DNAH6: variants seen among roughly 807,000 people sequenced by gnomAD.
DNAH6 encodes dynein axonemal heavy chain 6.
DNAH6 carries 340 observed loss-of-function variants against 491.4 expected under a neutral mutation model. The ratio of observed to expected loss-of-function variants is 0.69; its 90% CI spans 0.63 to 0.76. DNAH6 has a LOEUF of 0.76. DNAH6 is among the 30% of genes least tolerant of loss of function. The pLI, the probability that DNAH6 is intolerant of heterozygous loss-of-function variation, is 0.00. For synonymous variants in DNAH6, 1,603 were observed against 1,686.1 expected (o/e 0.95, Z 1.21); for missense variants, 4,443 against 4,972.2 (o/e 0.89, Z 3.20).
intron 68 of DNAH6, among the ~76,000 whole-genome samples, chr2:84,795,821 T>C (rs779232744): frequency 6.6e-6 from 1 of 152,212 alleles, no homozygotes; most frequent in Non-Finnish European, 1.5e-5. Flanking sequence ...ATTGTCCCTT[T>C]TGCTTTGAAT....
At chr2:84,702,641 C>T (rs910774739) in intron 49 of DNAH6, among the ~76,000 whole-genome samples, 18 of 150,514 alleles carry the variant, frequency 1.2e-4, no homozygotes, top group African/African-American at 3.9e-4. Flanking sequence ...CTCCCAGGTT[C>T]GTGCCATTCT....
intron 59 of DNAH6, 25 bp downstream of exon 59, chr2:84,718,409 A>G: frequency 1.3e-6 from 2 of 1,485,478 alleles, no homozygotes; most frequent in East Asian, 2.6e-5. Flanking sequence ...TTTAGTACTT[A>G]TGGAAAGTAT....
chr2:84,764,318 CA>C (rs1674867500), intron 64 of DNAH6, among the ~76,000 whole-genome samples: 1 of 151,890 alleles, frequency 6.6e-6, no homozygotes, highest in African/African-American at 2.4e-5. Context: ...GGAATAAAGT[CA>C]AAAAATACAA....
chr2:84,749,649 T>G (rs935962172), intron 63 of DNAH6, among the ~76,000 whole-genome samples: 2 of 152,168 alleles, frequency 1.3e-5, no homozygotes, highest in African/African-American at 4.8e-5. Context: ...TCAGTAACAC[T>G]TTGTTCAATG....
chr2:84,801,154 A>T (rs1286044864), intron 70 of DNAH6, among the ~76,000 whole-genome samples: 1 of 149,212 alleles, frequency 6.7e-6, no homozygotes, highest in Non-Finnish European at 1.5e-5. Context: ...CTAGATGACG[A>T]GTTAGTGGGT....
intron 11 of DNAH6, among the ~76,000 whole-genome samples, chr2:84,571,645 G>A (rs1407053747): frequency 6.6e-6 from 1 of 152,070 alleles, no homozygotes; most frequent in Non-Finnish European, 1.5e-5. Flanking sequence ...CAGGCGCAGT[G>A]GCTCACGCCT....
intron 47 of DNAH6, among the ~76,000 whole-genome samples, chr2:84,699,048 T>C (rs1041366012): frequency 6.6e-6 from 1 of 152,052 alleles, no homozygotes; most frequent in Non-Finnish European, 1.5e-5. Context: ...GAAGGAGGGA[T>C]GAAAGGGTTG....
At chr2:84,555,431 CT>C (rs1271200139) in intron 10 of DNAH6, among the ~76,000 whole-genome samples, 1 of 152,142 alleles carries the variant, frequency 6.6e-6, no homozygotes, top group Non-Finnish European at 1.5e-5. Flanking sequence ...TCTCAGTCAT[CT>C]TTCCAAGAGC....
At chr2:84,703,250 T>C (rs984041422) in intron 49 of DNAH6, 145 bp from the exon 50 acceptor site, 16 of 608,732 alleles carry the variant, frequency 2.6e-5, no homozygotes, top group Non-Finnish European at 4.0e-5. Context: ...TCCCAATTTG[T>C]AATATGTTCA....
rs185938791 is a variant in DNAH6 at position 84,729,919 on chromosome 2, G to A, written c.10206+2017G>A. On this transcript the variant is annotated intron_variant, in intron 61 of 76. Transcript: ENST00000389394. ...TAAATTTTCTGGAATAACCTCAGAA[G>A]CCAACTTCCATGCATAAAACTTTTT... 2.7e-3 allele frequency among the ~76,000 whole-genome samples: 415 copies of A among 152,286 alleles called. 3 individuals are homozygous for A. Among genetic ancestry groups the A allele is most frequent in the African/African-American group, 9.7e-3 (403 of 41,552 alleles).
intron 33 of DNAH6, among the ~76,000 whole-genome samples, chr2:84,649,248 G>A (rs879489111): frequency 2.0e-5 from 3 of 152,106 alleles, no homozygotes; most frequent in Admixed American, 2.0e-4. Context: ...TCACTTTATT[G>A]TAGTGGTCTG....
At chr2:84,747,397 G>A (rs1459902150) in intron 63 of DNAH6, among the ~76,000 whole-genome samples, 1 of 152,204 alleles carries the variant, frequency 6.6e-6, no homozygotes, top group Non-Finnish European at 1.5e-5. Context: ...CAGGCTCCAT[G>A]CAAGTCTGAA....
chr2:84,818,899 C>G (rs1181429828), intron 76 of DNAH6, among the ~76,000 whole-genome samples: 1 of 152,092 alleles, frequency 6.6e-6, no homozygotes, highest in Admixed American at 6.5e-5. Flanking sequence ...CTGGTGAAAC[C>G]CCGCCTCTAC....
Position 84,705,677 on chromosome 2 carries a change from G to C in DNAH6, c.8657G>C (p.Arg2886Thr). 6.4e-7 allele frequency: 1 copy of C among 1,551,744 alleles called. No homozygotes were observed. The highest frequency in any genetic ancestry group is 1.2e-5 in the South Asian group (1 of 84,048). ...KACKSMCMWV[R>T]AMDLYSRVVK... is the part of the protein sequence containing the mutation. Reference sequence around the variant, plus strand: ...TGTAAATCTATGTGCATGTGGGTAAGAGCTATGGATTTGTACTCTCGAGTG... The same window carrying C: ...TGTAAATCTATGTGCATGTGGGTAACAGCTATGGATTTGTACTCTCGAGTG... Residue 2886 changes from arginine to threonine, a missense_variant, in exon 52 of 77, where the codon AGA (arginine) becomes ACA (threonine). Arg to Thr is a moderately conservative substitution (Grantham distance 71, BLOSUM62 -1). Transcript: ENST00000389394.
chr2:84,592,783 G>T (rs542581972), intron 16 of DNAH6, among the ~76,000 whole-genome samples: 16 of 152,262 alleles, frequency 1.1e-4, no homozygotes, highest in African/African-American at 3.6e-4. Flanking sequence ...CTGTGCCACA[G>T]CATGGATGAC....
rs997238813 is a variant in DNAH6, at chr2:84,703,684, T to C, written c.8229+122T>C. Reference sequence around the variant, plus strand: ...TATTAAAATAATTAAGTGATAGATTTAGCAAAGTTTTTTTTTTTTTAGCAA... The same window carrying C: ...TATTAAAATAATTAAGTGATAGATTCAGCAAAGTTTTTTTTTTTTTAGCAA... On this transcript the variant is annotated intron_variant, in intron 50 of 76. Transcript: ENST00000389394. The C allele has an allele frequency of 3.6e-5, 35 of 960,748 alleles. No individual in the cohort carries two copies. In the African/African-American group the frequency reaches 5.8e-4, roughly 16 times the overall value. The allele number at this position is 960,748 out of a possible 1,614,324, so 59.5% of individuals were successfully genotyped here. A position where few individuals can be genotyped will look rare whatever the true frequency, so the allele number is the denominator to read the frequency against.
intron 4 of DNAH6, among the ~76,000 whole-genome samples, chr2:84,533,852 C>G (rs1677416295): frequency 1.3e-5 from 2 of 152,080 alleles, no homozygotes; most frequent in Admixed American, 1.3e-4. Context: ...CATAGATTGT[C>G]TAGAGGTCCA....
At chr2:84,733,870 A>G (rs1396583420) in intron 62 of DNAH6, among the ~76,000 whole-genome samples, 2 of 140,702 alleles carry the variant, frequency 1.4e-5, no homozygotes, top group Non-Finnish European at 3.0e-5. Context: ...GCTGTATCCC[A>G]TAGGTTTTTT....
At chr2:84,566,398 A>C (rs962069481) in intron 11 of DNAH6, among the ~76,000 whole-genome samples, 1 of 152,104 alleles carries the variant, frequency 6.6e-6, no homozygotes, top group Non-Finnish European at 1.5e-5. Context: ...AAGAAATGCT[A>C]AAAACCCATA....
Sources: allele counts gnomAD v4.1 joint callset (sites outside exome capture counted in the v4.1 genomes callset), GRCh38; gene constraint gnomAD v4.1.1; transcripts MANE v1.5; gene names NCBI Gene and HGNC (gene_info 2026-07-23, HGNC 2026-07-21).